KMT5B: variants seen among roughly 807,000 people sequenced by gnomAD.
KMT5B encodes lysine methyltransferase 5B.
Under a neutral mutation model 83.2 loss-of-function variants are expected in KMT5B, and 10 were observed. The observed-to-expected ratio is 0.12, with a 90% CI of 0.07 to 0.20. The LOEUF (loss-of-function observed/expected upper bound fraction) is 0.20, where lower values mean the gene tolerates loss of function less well. KMT5B is among the 10% of genes least tolerant of loss of function. The pLI is 1.00. For synonymous variants in KMT5B, 349 were observed against 388.8 expected (o/e 0.90, Z 1.20); for missense variants, 753 against 1,067.2 (o/e 0.71, Z 4.10).
intron 10 of KMT5B, chr11:68,166,139 G>GT: frequency 7.0e-7 from 1 of 1,421,834 alleles, no homozygotes; most frequent in Non-Finnish European, 9.2e-7. Flanking sequence ...TCAGAGACAA[G>GT]TGAGACTCAA....
chr11:68,190,018 T>A lies in KMT5B; in HGVS notation c.59A>T (p.Lys20Met). 6.2e-7 allele frequency: 1 copy of A among 1,614,154 alleles called. No individual in the cohort carries two copies. The change falls in exon 2 of 11, where the codon AAG becomes ATG. Residue 20 changes from lysine to methionine, a missense_variant. Transcript: ENST00000304363. ...MVVNGRRNGG[K>M]LSNDHQQNQS... ...ATTCTGCTGATGGTCATTAGACAAC[T>A]TGCCTCCATTTCTCCTGCCATTCAC...
intron 1 of KMT5B, among the ~76,000 whole-genome samples, chr11:68,205,607 T>C (rs1015467013): frequency 1.3e-5 from 2 of 151,578 alleles, no homozygotes; most frequent in African/African-American, 2.4e-5. Flanking sequence ...AAGTTTATGA[T>C]CAGACATTCG....
chr11:68,190,288 T>C (rs1488430206), intron 1 of KMT5B, 136 bp from the exon 2 acceptor site: 2 of 535,266 alleles, frequency 3.7e-6, no homozygotes, highest in African/African-American at 3.9e-5. Flanking sequence ...TTTTGGTCAA[T>C]GACAGACCAC....
At chr11:68,177,059 T>C (rs1856457649) in intron 4 of KMT5B, among the ~76,000 whole-genome samples, 1 of 152,184 alleles carries the variant, frequency 6.6e-6, no homozygotes, top group East Asian at 1.9e-4. Context: ...CAAGCCACAG[T>C]ATTTCATCAA....
At chr11:68,199,092 T>C (rs78204052) in intron 1 of KMT5B, among the ~76,000 whole-genome samples, 1 of 148,986 alleles carries the variant, frequency 6.7e-6, no homozygotes, top group East Asian at 2.0e-4. Context: ...AATTGCGTTG[T>C]TTTTTTTTTA....
chr11:68,166,734 TGAA>T (rs1855353358), intron 10 of KMT5B: 2 of 1,348,086 alleles, frequency 1.5e-6, no homozygotes, highest in African/African-American at 2.9e-5. Flanking sequence ...GAACATATGA[TGAA>T]GAACTCATAT....
At chr11:68,164,079 T>C (rs986335087) in intron 10 of KMT5B, among the ~76,000 whole-genome samples, 1 of 152,178 alleles carries the variant, frequency 6.6e-6, no homozygotes, top group Non-Finnish European at 1.5e-5. Context: ...ATAAGAGGCC[T>C]GAAAAACCAG....
Position 68,157,616 on chromosome 11 carries a change from G to GC in KMT5B, c.*71_*72insG. ...TAGAAGTGCTGCCACTAAACTTTCA[G>GC]TTGAGGAATAATTGACTGGAATTTT... On this transcript the variant is annotated 3_prime_UTR_variant, in exon 11 of 11. Transcript: ENST00000304363. 1 of 1,487,558 alleles carries GC rather than the reference G, an allele frequency of 6.7e-7. No homozygotes were observed. The highest frequency in any genetic ancestry group is 2.3e-5 in the East Asian group (1 of 43,502). 92.1% of individuals were successfully genotyped at this position (1,487,558 alleles called of 1,614,324 possible).
In KMT5B at chr11:68,157,624, A is replaced by G. The variant is rs1859393604; in HGVS notation, c.*64T>C. 2.7e-6 allele frequency: 4 copies of G among 1,491,440 alleles called. No homozygotes were observed. The highest frequency in any genetic ancestry group is 3.6e-6 in the Non-Finnish European group (4 of 1,125,964). 92.4% of individuals were successfully genotyped at this position (1,491,440 alleles called of 1,614,324 possible). On this transcript the variant is annotated 3_prime_UTR_variant, in exon 11 of 11. Coordinates refer to ENST00000304363, the MANE Select transcript of KMT5B (RefSeq NM_017635.5). ...CTGCCACTAAACTTTCAGTTGAGGA[A>G]TAATTGACTGGAATTTTTTATTTCT...
intron 3 of KMT5B, among the ~76,000 whole-genome samples, chr11:68,183,123 G>T (rs1230772861): frequency 6.6e-6 from 1 of 151,652 alleles, no homozygotes; most frequent in Admixed American, 6.6e-5. Context: ...ATGACCCCAG[G>T]TCAAGATTCT....
intron 10 of KMT5B, among the ~76,000 whole-genome samples, chr11:68,161,647 T>G (rs1854880646): frequency 2.0e-5 from 3 of 152,254 alleles, no homozygotes; most frequent in Middle Eastern, 3.4e-3. Context: ...TTTCTTCATT[T>G]CTCTGAATGT....
At chr11:68,213,518 G>C (rs1438334607), upstream of KMT5B, 1 of 151,348 alleles carries the variant, frequency 6.6e-6, no homozygotes, top group African/African-American at 2.4e-5. Flanking sequence ...CCGTCCGCCG[G>C]CTTCAGGACT....
chr11:68,160,911 TACTCCAGCCTGGGTG>T, intron 10 of KMT5B, among the ~76,000 whole-genome samples: 1 of 152,300 alleles, frequency 6.6e-6, no homozygotes, highest in African/African-American at 2.4e-5. Flanking sequence ...CGCACGATTG[TACTCCAGCCTGGGTG>T]ACAAGAGTGA....
At position 68,166,829 on chromosome 11, in the gene KMT5B, A is replaced by G. The variant is rs149188370; in HGVS notation, c.1174+153T>C. 5.8e-4 allele frequency: 835 copies of G among 1,448,954 alleles called. 11 individuals carry two copies. The South Asian group carries it at 0.012, about 20-fold the overall frequency. 89.8% of individuals were successfully genotyped at this position (1,448,954 alleles called of 1,614,324 possible). ...TGGGATACAGACTGTGCCTCTACTCAAATCACGTCTAGAGCCTTGAAGTGC... is the reference window on the plus strand; with the variant it reads ...TGGGATACAGACTGTGCCTCTACTCGAATCACGTCTAGAGCCTTGAAGTGC... On this transcript the variant is annotated intron_variant, in intron 10 of 10. Transcript: ENST00000304363.
intron 4 of KMT5B, among the ~76,000 whole-genome samples, chr11:68,178,225 G>A (rs73509356): frequency 0.023 from 3,553 of 152,282 alleles, 139 homozygotes; most frequent in African/African-American, 0.08. Flanking sequence ...GTAAGTTATA[G>A]ACCTGGAATG....
chr11:68,162,427 T>A (rs935207936), intron 10 of KMT5B, among the ~76,000 whole-genome samples: 4 of 152,204 alleles, frequency 2.6e-5, no homozygotes, highest in African/African-American at 9.6e-5. Flanking sequence ...TTGAATAGGC[T>A]TCACTTGGCC....
intron 1 of KMT5B, among the ~76,000 whole-genome samples, chr11:68,204,765 T>A (rs868693459): frequency 1.3e-5 from 2 of 152,130 alleles, no homozygotes; most frequent in South Asian, 4.2e-4. Context: ...TATAGGCACC[T>A]GCTGCCACGC....
At chr11:68,194,771 T>C (rs563109332) in intron 1 of KMT5B, among the ~76,000 whole-genome samples, 1 of 152,344 alleles carries the variant, frequency 6.6e-6, no homozygotes, top group Non-Finnish European at 1.5e-5. Flanking sequence ...CAGCACTTTC[T>C]GAAAAACAGA....
In KMT5B at chr11:68,167,125, ACAGGAG is replaced by A; in HGVS notation, c.1025_1030del (p.Ala342_Pro343del). The stretch of plus-strand genomic sequence containing the variant: ...TCTGAGTCCATATTTGCTATTGATA[ACAGGAG>A]CAGGCGCAGGCAGTCCCACTCTGGA... On this transcript the variant is annotated inframe_deletion, in exon 10 of 11. Coordinates refer to ENST00000304363, the MANE Select transcript of KMT5B (RefSeq NM_017635.5). The A allele has an allele frequency of 6.2e-7, 1 of 1,613,958 alleles. No homozygotes were observed. The highest frequency in any genetic ancestry group is 1.3e-5 in the African/African-American group (1 of 75,038).
Sources: allele counts gnomAD v4.1 joint callset (sites outside exome capture counted in the v4.1 genomes callset), GRCh38; gene constraint gnomAD v4.1.1; transcripts MANE v1.5; gene names NCBI Gene and HGNC (gene_info 2026-07-23, HGNC 2026-07-21).